The following MYT1L variants were observed in gnomAD, a reference collection of about 807,000 sequenced individuals.
MYT1L encodes the protein myelin transcription factor 1-like protein.
A neutral mutation model predicts 126.7 loss-of-function variants in MYT1L; 12 were observed. The ratio of observed to expected loss-of-function variants is 0.09; its 90% CI spans 0.06 to 0.15. The LOEUF is 0.15. MYT1L is among the 10% of genes least tolerant of loss of function. MYT1L has a pLI of 1.00. For synonymous variants in MYT1L, 541 were observed against 604.2 expected (o/e 0.90, Z 1.53); for missense variants, 979 against 1,585.2 (o/e 0.62, Z 6.49).
At chr2:1,798,272 G>A (rs1004345289) in intron 23 of MYT1L, among the ~76,000 whole-genome samples, 91 of 151,958 alleles carry the variant, frequency 6.0e-4, no homozygotes, top group African/African-American at 2.1e-3. Flanking sequence ...CACAGGCGTG[G>A]CGGTCTTCCC....
At chr2:2,152,183 C>A (rs545838021) in intron 3 of MYT1L, among the ~76,000 whole-genome samples, 35 of 152,348 alleles carry the variant, frequency 2.3e-4, no homozygotes, top group African/African-American at 7.9e-4. Flanking sequence ...AGTGCTGCGA[C>A]ACTGTGACCG....
intron 2 of MYT1L, among the ~76,000 whole-genome samples, chr2:2,237,648 G>T (rs569870769): frequency 6.6e-6 from 1 of 152,114 alleles, no homozygotes; most frequent in Non-Finnish European, 1.5e-5. Context: ...GGGATGCCTC[G>T]CCTGGAGCAC....
intron 3 of MYT1L, among the ~76,000 whole-genome samples, chr2:2,094,611 T>C (rs2077238270): frequency 2.6e-5 from 4 of 152,216 alleles, no homozygotes; most frequent in Admixed American, 6.5e-5. Flanking sequence ...GATGAGTTCA[T>C]GTCCTTTGTA....
intron 3 of MYT1L, among the ~76,000 whole-genome samples, chr2:2,130,187 G>A (rs1221282747): frequency 2.0e-5 from 3 of 151,532 alleles, no homozygotes; most frequent in Non-Finnish European, 2.9e-5. Flanking sequence ...GAATAGGGAC[G>A]GCAAGTCACA....
chr2:2,066,677 G>A (rs577209063), intron 3 of MYT1L, among the ~76,000 whole-genome samples: 1 of 152,304 alleles, frequency 6.6e-6, no homozygotes, highest in South Asian at 2.1e-4. Flanking sequence ...GCAGGTAGCT[G>A]CCCCTTGCAA....
At chr2:1,794,158 C>T (rs551965693) in intron 23 of MYT1L, among the ~76,000 whole-genome samples, 6 of 152,322 alleles carry the variant, frequency 3.9e-5, no homozygotes, top group South Asian at 2.1e-4. Flanking sequence ...GAGCAGAGGG[C>T]GGCTCCTGCC....
At chr2:1,948,604 C>G (rs1277103828) in intron 8 of MYT1L, among the ~76,000 whole-genome samples, 1 of 152,210 alleles carries the variant, frequency 6.6e-6, no homozygotes, top group Non-Finnish European at 1.5e-5. Flanking sequence ...ATTCTGTGAA[C>G]AGCGTGTCTG....
intron 1 of MYT1L, among the ~76,000 whole-genome samples, chr2:2,286,954 TACACACAGAC>T (rs745554741): frequency 1.3e-5 from 2 of 152,126 alleles, no homozygotes; most frequent in Non-Finnish European, 2.9e-5. Context: ...GAGACACAGA[TACACACAGAC>T]ACACACACAG....
intron 4 of MYT1L, among the ~76,000 whole-genome samples, chr2:2,033,863 G>T (rs1446116401): frequency 6.6e-6 from 1 of 152,158 alleles, no homozygotes; most frequent in African/African-American, 2.4e-5. Flanking sequence ...TCTGTGGTGG[G>T]GCTGCGATGC....
chr2:2,278,011 A>ATTACCTTATTAATTCAGAAAC (rs1377933036), intron 2 of MYT1L, among the ~76,000 whole-genome samples: 2 of 152,268 alleles, frequency 1.3e-5, no homozygotes, highest in Non-Finnish European at 2.9e-5. Flanking sequence ...AGAAAAGGTA[A>ATTACCTTATTAATTCAGAAAC]TTATTAATTC....
At chr2:1,805,357 C>A (rs2035526624) in intron 22 of MYT1L, among the ~76,000 whole-genome samples, 1 of 152,174 alleles carries the variant, frequency 6.6e-6, no homozygotes, top group Non-Finnish European at 1.5e-5. Context: ...CTTCTCTGTC[C>A]CACACAGTGT....
chr2:2,262,653 AC>A (rs1257274020), intron 2 of MYT1L, among the ~76,000 whole-genome samples: 1 of 147,596 alleles, frequency 6.8e-6, no homozygotes, highest in African/African-American at 2.5e-5. Context: ...AGATCGTGCC[AC>A]TGCACTCCAG....
intron 2 of MYT1L, among the ~76,000 whole-genome samples, chr2:2,231,638 G>T (rs1210916046): frequency 2.6e-5 from 4 of 151,900 alleles, no homozygotes; most frequent in African/African-American, 9.7e-5. Context: ...TGTAAAGATG[G>T]TGTCTTGCCA....
chr2:2,061,395 T>C (rs2070472097), intron 3 of MYT1L, among the ~76,000 whole-genome samples: 1 of 152,324 alleles, frequency 6.6e-6, no homozygotes, highest in East Asian at 1.9e-4. Context: ...TAAGCCGTTC[T>C]ATTTGTAATG....
rs916419529 is a variant in MYT1L, at chr2:1,808,430, C to T, written c.3172+646G>A. Among the ~76,000 whole-genome samples the T allele has an allele frequency of 8.5e-5, 13 of 152,282 alleles. No individual in the cohort carries two copies. In the East Asian group the frequency reaches 1.5e-3, roughly 18 times the overall value. On this transcript the variant is annotated intron_variant, in intron 22 of 24. Coordinates refer to ENST00000647738, the MANE Select transcript of MYT1L (RefSeq NM_001303052.2). ...ACAAAAGCACTGAGATCATTGCCTGCGTCTACAAATTAATTTCGGCAGGGA... is the reference window on the plus strand; with the variant it reads ...ACAAAAGCACTGAGATCATTGCCTGTGTCTACAAATTAATTTCGGCAGGGA...
chr2:2,079,172 T>C (rs752623904), intron 3 of MYT1L, among the ~76,000 whole-genome samples: 1 of 152,196 alleles, frequency 6.6e-6, no homozygotes, highest in Non-Finnish European at 1.5e-5. Context: ...CATTTTGCTA[T>C]AGTATGTCAA....
At chr2:1,861,947 G>GCAGCCTGTGAAATCCTGTATCCT (rs2044716037) in intron 18 of MYT1L, among the ~76,000 whole-genome samples, 1 of 144,492 alleles carries the variant, frequency 6.9e-6, no homozygotes, top group African/African-American at 2.6e-5. Context: ...TCCTGGATCT[G>GCAGCCTGTGAAATCCTGTATCCT]CCTGCAGCCT....
intron 3 of MYT1L, among the ~76,000 whole-genome samples, chr2:2,074,297 T>C (rs2074970047): frequency 1.3e-5 from 2 of 152,224 alleles, no homozygotes; most frequent in Non-Finnish European, 2.9e-5. Context: ...TTTTAAATTG[T>C]GCCTAGTCAG....
chr2:2,254,129 G>A (rs17039467), intron 2 of MYT1L, among the ~76,000 whole-genome samples: 77 of 152,268 alleles, frequency 5.1e-4, no homozygotes, highest in South Asian at 2.1e-3. Flanking sequence ...GTATCCCAAA[G>A]AGTATATGGT....
Sources: gnomAD v4.1 joint callset for allele counts (sites outside exome capture counted in the v4.1 genomes callset) on GRCh38, gnomAD v4.1.1 for gene constraint, MANE v1.5 for transcripts, NCBI Gene and HGNC (gene_info 2026-07-23, HGNC 2026-07-21) for gene names.